The following SV2C variants were observed in gnomAD, a reference collection of about 807,000 sequenced individuals.
SV2C encodes solute carrier family 22 member B3.
In SV2C, 49 loss-of-function variants were observed where a neutral mutation model predicts 79.7. The observed-to-expected ratio is 0.61, with a 90% CI of 0.49 to 0.78. The LOEUF (loss-of-function observed/expected upper bound fraction) is 0.78. SV2C is among the 30% of genes least tolerant of loss of function. The pLI is 0.00. For synonymous variants in SV2C, 334 were observed against 333.2 expected, an observed-to-expected ratio of 1.00 and a Z score of -0.03; for missense variants, 833 against 912.9, an observed-to-expected ratio of 0.91 and a Z score of 1.13.
intron 4 of SV2C, chr5:76,281,384 T>G: frequency 4.0e-6 from 1 of 252,246 alleles, no homozygotes. Context: ...AAAAATAAAC[T>G]TGTTATGCAA....
the SV2C span, among the ~76,000 whole-genome samples, chr5:75,917,023 C>T: frequency 2.0e-5 from 3 of 152,206 alleles, no homozygotes; most frequent in African/African-American, 7.2e-5. Flanking sequence ...AGAACTGAAC[C>T]CTAGTTGCCA....
At chr5:76,041,911 G>A in the SV2C span, among the ~76,000 whole-genome samples, 88,344 of 151,888 alleles carry the variant, frequency 0.58, 27,731 homozygotes, top group African/African-American at 0.82. Context: ...AGAATCTAGC[G>A]TCCTCCCCTG....
intron 1 of SV2C, among the ~76,000 whole-genome samples, chr5:76,101,881 G>A (rs1205832030): frequency 6.6e-6 from 1 of 152,168 alleles, no homozygotes; most frequent in Non-Finnish European, 1.5e-5. Flanking sequence ...TTGAGACAGA[G>A]TAGAAGGGGA....
intron 1 of SV2C, among the ~76,000 whole-genome samples, chr5:76,111,299 T>C (rs30248): frequency 0.2 from 30,680 of 152,056 alleles, 3,918 homozygotes; most frequent in South Asian, 0.41. Context: ...CACTAACTCT[T>C]TCTTTCTTTT....
chr5:76,251,412 G>A (rs970340936), intron 4 of SV2C, among the ~76,000 whole-genome samples: 1 of 151,928 alleles, frequency 6.6e-6, no homozygotes, highest in African/African-American at 2.4e-5. Context: ...ATTAGCTGGG[G>A]GTGGCAGCTC....
Position 76,209,783 on chromosome 5 carries a change from T to C in SV2C, c.809T>C (p.Leu270Pro). ...GTGTTCTCGTACTTTGCTGAAGTCC[T>C]GGCCCGGGAAAAGCGGGGCGAACAC... ...PTVFSYFAEV[L>P]AREKRGEHLS... Residue 270 changes from leucine (L) to proline (P), a missense_variant, in exon 4 of 13, where the codon CTG (leucine) becomes CCG (proline). Physicochemically the swap from Leu to Pro is moderately conservative, Grantham distance 98. Coordinates refer to ENST00000502798, the MANE Select transcript of SV2C (RefSeq NM_014979.4). 6.2e-7 allele frequency: 1 copy of C among 1,614,232 alleles called. No individual in the cohort carries two copies. Among genetic ancestry groups the C allele is most frequent in the Non-Finnish European group, 8.5e-7 (1 of 1,180,046 alleles).
chr5:76,050,336 C>T, the SV2C span, among the ~76,000 whole-genome samples: 1 of 152,084 alleles, frequency 6.6e-6, no homozygotes, highest in Admixed American at 6.5e-5. Context: ...AAGAGAAGTA[C>T]ACAAACCCAG....
chr5:76,163,796 T>A (rs1397813256), intron 2 of SV2C, among the ~76,000 whole-genome samples: 1 of 152,248 alleles, frequency 6.6e-6, no homozygotes, highest in East Asian at 1.9e-4. Flanking sequence ...CCCTTGAACC[T>A]GATACTTTCC....
At chr5:75,860,107 A>G in the SV2C span, among the ~76,000 whole-genome samples, 4 of 152,130 alleles carry the variant, frequency 2.6e-5, no homozygotes, top group East Asian at 7.7e-4. Context: ...GGTTTCTTTA[A>G]CAGTTGATGA....
intron 4 of SV2C, among the ~76,000 whole-genome samples, chr5:76,238,490 G>T (rs1276324151): frequency 6.6e-6 from 1 of 151,810 alleles, no homozygotes; most frequent in Non-Finnish European, 1.5e-5. Context: ...TGTTGTTTTG[G>T]TCTCTCTTTC....
chr5:76,205,933 C>T (rs1318548121), intron 3 of SV2C, among the ~76,000 whole-genome samples: 2 of 152,126 alleles, frequency 1.3e-5, no homozygotes, highest in Non-Finnish European at 2.9e-5. Flanking sequence ...CCAGACATTG[C>T]CAGATATCTT....
intron 6 of SV2C, among the ~76,000 whole-genome samples, chr5:76,290,233 G>T (rs919541925): frequency 6.6e-6 from 1 of 152,146 alleles, no homozygotes; most frequent in African/African-American, 2.4e-5. Context: ...TACCTGGCCA[G>T]AAAGAACCTA....
the SV2C span, among the ~76,000 whole-genome samples, chr5:75,968,435 T>A: frequency 2.0e-5 from 3 of 151,884 alleles, no homozygotes; most frequent in African/African-American, 7.3e-5. Flanking sequence ...TGAAAAAAAA[T>A]TAGATGAATG....
chr5:76,176,382 G>A (rs10038253), intron 2 of SV2C, among the ~76,000 whole-genome samples: 104,858 of 151,788 alleles, frequency 0.69, 37,321 homozygotes, highest in East Asian at 0.97. Flanking sequence ...CATGCTCCAG[G>A]ACACACAGAA....
At chr5:76,001,590 GA>G in the SV2C span, among the ~76,000 whole-genome samples, 7 of 149,318 alleles carry the variant, frequency 4.7e-5, no homozygotes, top group African/African-American at 9.9e-5. Flanking sequence ...CTCCATCTCA[GA>G]AAAAAAAAAA....
chr5:76,019,315 G>T, the SV2C span, among the ~76,000 whole-genome samples: 1 of 152,080 alleles, frequency 6.6e-6, no homozygotes, highest in Non-Finnish European at 1.5e-5. Context: ...ATAGATTTTT[G>T]AGGGCAGAAA....
intron 2 of SV2C, among the ~76,000 whole-genome samples, chr5:76,142,331 A>G (rs6881418): frequency 0.41 from 62,084 of 152,162 alleles, 14,749 homozygotes; most frequent in Non-Finnish European, 0.54. Context: ...TTTTTACTGT[A>G]AGGAATTTGC....
At chr5:75,956,421 G>A in the SV2C span, among the ~76,000 whole-genome samples, 1 of 146,080 alleles carries the variant, frequency 6.8e-6, no homozygotes, top group Non-Finnish European at 1.5e-5. Flanking sequence ...GGGGAGGGAT[G>A]GCATTGGGAG....
chr5:76,237,270 T>A (rs1388597372), intron 4 of SV2C, among the ~76,000 whole-genome samples: 1 of 152,220 alleles, frequency 6.6e-6, no homozygotes, highest in Admixed American at 6.5e-5. Context: ...CATACAACTT[T>A]TGTCTTTCCT....
Sources: gnomAD v4.1 joint callset for allele counts (sites outside exome capture counted in the v4.1 genomes callset) on GRCh38, gnomAD v4.1.1 for gene constraint, MANE v1.5 for transcripts, NCBI Gene and HGNC (gene_info 2026-07-23, HGNC 2026-07-21) for gene names.